Variants in RAPH1 observed in about 807,000 individuals in gnomAD.
RAPH1 encodes the protein Ras association (RalGDS/AF-6) and pleckstrin homology domains 1.
In RAPH1, 18 loss-of-function variants were observed where a neutral mutation model predicts 88.1. That is an observed-to-expected ratio of 0.20 (90% CI 0.14 to 0.30). RAPH1 has a LOEUF of 0.30. Among genes scored for constraint, RAPH1 ranks in the 10% least tolerant of loss-of-function variants. RAPH1 has a pLI of 1.00. For missense variants in RAPH1, 1,448 were observed against 1,543.2 expected (o/e 0.94, Z 1.03); for synonymous variants, 587 against 559.0 (o/e 1.05, Z -0.71).
intron 1 of RAPH1, among the ~76,000 whole-genome samples, chr2:203,520,073 A>C (rs2105961256): frequency 6.6e-6 from 1 of 152,304 alleles, no homozygotes; most frequent in South Asian, 2.1e-4. Flanking sequence ...CACACCTGTA[A>C]TCCTAGCACT....
intron 2 of RAPH1, among the ~76,000 whole-genome samples, chr2:203,491,777 A>C (rs1559483868): frequency 6.6e-6 from 1 of 152,172 alleles, no homozygotes; most frequent in Admixed American, 6.6e-5. Context: ...CTAAGTGTTG[A>C]GATTACAGGC....
At chr2:203,533,325 T>C (rs144986697) in intron 1 of RAPH1, 17 of 152,278 alleles carry the variant, frequency 1.1e-4, no homozygotes, top group Non-Finnish European at 1.5e-5. Context: ...ATACAAAATG[T>C]CTAACCCAAA....
intron 12 of RAPH1, chr2:203,445,432 A>C (rs1258012381): frequency 6.3e-6 from 1 of 159,854 alleles, no homozygotes; most frequent in African/African-American, 2.4e-5. Context: ...GTAACTTAGG[A>C]ATTCGGATCT....
At chr2:203,533,757 C>T (rs1390378226) in intron 1 of RAPH1, among the ~76,000 whole-genome samples, 1 of 152,044 alleles carries the variant, frequency 6.6e-6, no homozygotes, top group Non-Finnish European at 1.5e-5. Flanking sequence ...AAAAAACCAC[C>T]CCGAGGAGGA....
intron 4 of RAPH1, among the ~76,000 whole-genome samples, chr2:203,480,413 T>C (rs1305485149): frequency 2.0e-5 from 3 of 152,076 alleles, no homozygotes; most frequent in African/African-American, 7.2e-5. Context: ...CCGGGTGTGG[T>C]GGTGCGCGCC....
rs563762948 is a variant in RAPH1, at chr2:203,434,631, T to C, written c.*4806A>G. 50 of 152,226 alleles carry C rather than the reference T, an allele frequency of 3.3e-4. No individual in the cohort carries two copies. The Middle Eastern group carries it at 0.01, about 31-fold the overall frequency. 9.4% of individuals were successfully genotyped at this position (152,226 alleles called of 1,614,324 possible). ...AAAAACGGCAGTTTTTGGTATTAGG[T>C]TACAATAAATTTAACGAATGGACAG... On this transcript the variant is annotated 3_prime_UTR_variant, in exon 14 of 14. Transcript: ENST00000319170.
chr2:203,441,045 A>T lies in RAPH1; in HGVS notation c.2145T>A (p.Pro715=). Residue 715 remains proline, a synonymous_variant, in exon 14 of 14, where the codon CCT becomes CCA. Coordinates refer to ENST00000319170, the MANE Select transcript of RAPH1 (RefSeq NM_213589.3). The stretch of plus-strand genomic sequence containing the variant: ...CAGAGCCTGGGGTTGGGGGTGGAGG[A>T]GGGGGAGGGGGTGGTGGAACAACTC... ...PNGVVPPPPP[P]PPPPTPGSAM... 1 of 321,240 alleles carries T rather than the reference A, an allele frequency of 3.1e-6. No homozygotes were observed. Among genetic ancestry groups the T allele is most frequent in the Non-Finnish European group, 4.5e-6 (1 of 223,890 alleles). 19.9% of individuals were successfully genotyped at this position (321,240 alleles called of 1,614,324 possible).
chr2:203,458,579 T>C (rs1208103264), intron 7 of RAPH1, among the ~76,000 whole-genome samples: 1 of 152,184 alleles, frequency 6.6e-6, no homozygotes, highest in Non-Finnish European at 1.5e-5. Flanking sequence ...TTACTTACAA[T>C]ACCTAATACA....
intron 4 of RAPH1, among the ~76,000 whole-genome samples, chr2:203,483,880 C>G (rs1344238518): frequency 1.3e-5 from 2 of 152,138 alleles, no homozygotes; most frequent in Non-Finnish European, 2.9e-5. Flanking sequence ...AGCAGCCTCC[C>G]TTGGGTACCC....
intron 1 of RAPH1, among the ~76,000 whole-genome samples, chr2:203,512,792 T>A (rs940246313): frequency 1.3e-5 from 2 of 151,742 alleles, no homozygotes; most frequent in African/African-American, 4.8e-5. Context: ...CCTGGCTAAT[T>A]TTTTGTTATT....
intron 10 of RAPH1, among the ~76,000 whole-genome samples, chr2:203,452,852 G>A (rs190307627): frequency 2.0e-5 from 3 of 152,114 alleles, no homozygotes; most frequent in East Asian, 1.9e-4. Context: ...GGAAGCTAAG[G>A]CATGAGAACT....
chr2:203,461,555 C>A (rs1416466631), intron 5 of RAPH1, 147 bp from the exon 6 acceptor site: 12 of 499,480 alleles, frequency 2.4e-5, no homozygotes, highest in Non-Finnish European at 2.3e-5. Flanking sequence ...AAAATATAGG[C>A]TAAAAATCAG....
intron 4 of RAPH1, among the ~76,000 whole-genome samples, chr2:203,484,333 G>A (rs985083631): frequency 6.6e-6 from 1 of 152,170 alleles, no homozygotes; most frequent in African/African-American, 2.4e-5. Context: ...GATTTAAAAT[G>A]TGGTTTCTCA....
intron 4 of RAPH1, among the ~76,000 whole-genome samples, chr2:203,470,813 C>T (rs534490750): frequency 7.7e-4 from 117 of 152,206 alleles, no homozygotes; most frequent in Middle Eastern, 3.4e-3. Flanking sequence ...TGCACCAAGA[C>T]GAAAAATATC....
At chr2:203,475,886 T>C (rs1687408813) in intron 4 of RAPH1, among the ~76,000 whole-genome samples, 1 of 152,014 alleles carries the variant, frequency 6.6e-6, no homozygotes, top group Non-Finnish European at 1.5e-5. Context: ...AAAACAGATA[T>C]ATTATTTATT....
intron 8 of RAPH1, among the ~76,000 whole-genome samples, chr2:203,455,810 C>T (rs1026839778): frequency 1.3e-5 from 2 of 151,148 alleles, no homozygotes; most frequent in African/African-American, 2.4e-5. Flanking sequence ...GAGTTCAAGA[C>T]CAGCCTGGCC....
rs567134512 is a variant in RAPH1 at position 203,439,908 on chromosome 2, C to A, written c.3282G>T (p.Ser1094=). Reference sequence around the variant, plus strand: ...CTGCCACTTTTGGAGAGGTGTTTCCCGAGAAAACTGCTGGAATCTCAATGG... The same window carrying A: ...CTGCCACTTTTGGAGAGGTGTTTCCAGAGAAAACTGCTGGAATCTCAATGG... The part of the protein sequence containing the change: ...LPPIEIPAVF[S]GNTSPKVAVV... The change falls in exon 14 of 14, where the codon TCG becomes TCT. Residue 1094 remains serine, a synonymous_variant. Coordinates refer to ENST00000319170, the MANE Select transcript of RAPH1 (RefSeq NM_213589.3). The A allele has an allele frequency of 1.2e-6, 2 of 1,613,706 alleles. No individual in the cohort carries two copies. The highest frequency in any genetic ancestry group is 2.2e-5 in the East Asian group (1 of 44,860).
At chr2:203,533,598 A>G (rs1690483567) in intron 1 of RAPH1, among the ~76,000 whole-genome samples, 1 of 152,036 alleles carries the variant, frequency 6.6e-6, no homozygotes. Flanking sequence ...TAAAGGTTTC[A>G]CTTAAATGCC....
intron 4 of RAPH1, among the ~76,000 whole-genome samples, chr2:203,466,351 G>C (rs2098528455): frequency 6.6e-6 from 1 of 152,140 alleles, no homozygotes; most frequent in African/African-American, 2.4e-5. Context: ...TGCTATTTGT[G>C]TCTAATGTAT....
Sources: allele counts gnomAD v4.1 joint callset (sites outside exome capture counted in the v4.1 genomes callset), GRCh38; gene constraint gnomAD v4.1.1; transcripts MANE v1.5; gene names NCBI Gene and HGNC (gene_info 2026-07-23, HGNC 2026-07-21).